The following ERBB4 variants were observed in gnomAD, a reference collection of about 807,000 sequenced individuals.
ERBB4 encodes the protein receptor tyrosine-protein kinase erbB-4.
Under a neutral mutation model 158.0 loss-of-function variants are expected in ERBB4, and 42 were observed. The ratio of observed to expected loss-of-function variants is 0.27; its 90% CI spans 0.21 to 0.34. The LOEUF (loss-of-function observed/expected upper bound fraction) is 0.34. Ranked by LOEUF, ERBB4 falls within the 10% of genes least tolerant of loss-of-function variation. The probability of loss-of-function intolerance (pLI) is 1.00; values close to 1 mark genes in which losing one functional copy is unlikely to be tolerated. For synonymous variants in ERBB4, 583 were observed against 558.7 expected (o/e 1.04, Z -0.61); for missense variants, 1,333 against 1,624.1 (o/e 0.82, Z 3.08).
At chr2:211,628,325 C>G (rs1304501847) in intron 17 of ERBB4, among the ~76,000 whole-genome samples, 4 of 152,164 alleles carry the variant, frequency 2.6e-5, no homozygotes, top group Non-Finnish European at 5.9e-5. Context: ...CCACTTGCCT[C>G]ACCCCACAAC....
intron 1 of ERBB4, among the ~76,000 whole-genome samples, chr2:212,139,231 TA>T (rs1220601994): frequency 2.0e-5 from 3 of 152,084 alleles, no homozygotes; most frequent in African/African-American, 7.2e-5. Context: ...GCAAATTTTG[TA>T]AGTATTAGAG....
At chr2:211,959,509 T>G (rs2081123601) in intron 2 of ERBB4, among the ~76,000 whole-genome samples, 1 of 152,104 alleles carries the variant, frequency 6.6e-6, no homozygotes, top group Non-Finnish European at 1.5e-5. Flanking sequence ...GCATTTTTCT[T>G]TTGACATAAT....
At chr2:211,479,130 C>A (rs1334652823) in intron 20 of ERBB4, among the ~76,000 whole-genome samples, 1 of 152,092 alleles carries the variant, frequency 6.6e-6, no homozygotes, top group African/African-American at 2.4e-5. Context: ...TTGCTGGGCC[C>A]CAGGGTCAGA....
intron 19 of ERBB4, among the ~76,000 whole-genome samples, chr2:211,572,756 T>C (rs775973693): frequency 2.6e-5 from 4 of 152,240 alleles, no homozygotes; most frequent in Non-Finnish European, 5.9e-5. Context: ...CTCTGTTCAA[T>C]TCCTTCAACT....
chr2:211,720,346 G>A (rs555259082), intron 7 of ERBB4, among the ~76,000 whole-genome samples: 4 of 152,120 alleles, frequency 2.6e-5, no homozygotes, highest in Non-Finnish European at 5.9e-5. Context: ...CTTTGTGGAG[G>A]AGCAATGTTA....
chr2:212,298,156 T>C (rs1404968200), intron 1 of ERBB4, among the ~76,000 whole-genome samples: 1 of 151,736 alleles, frequency 6.6e-6, no homozygotes, highest in Non-Finnish European at 1.5e-5. Context: ...AAAAAACAAT[T>C]GGACTGCTCT....
intron 1 of ERBB4, among the ~76,000 whole-genome samples, chr2:212,208,215 T>G (rs2082824599): frequency 6.6e-6 from 1 of 152,172 alleles, no homozygotes; most frequent in Non-Finnish European, 1.5e-5. Flanking sequence ...CTTAGGGTCC[T>G]GTTTGCCCTG....
chr2:211,460,666 C>T (rs2064507783), intron 20 of ERBB4, among the ~76,000 whole-genome samples: 1 of 151,892 alleles, frequency 6.6e-6, no homozygotes, highest in Admixed American at 6.6e-5. Flanking sequence ...TTTCAACTTG[C>T]CATGTTGAAG....
chr2:211,519,876 T>A (rs11900916), intron 20 of ERBB4, among the ~76,000 whole-genome samples: 3,254 of 152,258 alleles, frequency 0.021, 118 homozygotes, highest in African/African-American at 0.074. Flanking sequence ...CCTGACCACT[T>A]CACCACTGAA....
At chr2:211,847,313 C>T (rs1004161993) in intron 3 of ERBB4, among the ~76,000 whole-genome samples, 11 of 152,234 alleles carry the variant, frequency 7.2e-5, no homozygotes, top group African/African-American at 2.6e-4. Context: ...TATATTCAGT[C>T]AACAAGCGGT....
intron 3 of ERBB4, among the ~76,000 whole-genome samples, chr2:211,826,860 CTTAGAGT>C (rs979672384): frequency 6.6e-6 from 1 of 151,944 alleles, no homozygotes; most frequent in East Asian, 1.9e-4. Flanking sequence ...TAAGGCAATC[CTTAGAGT>C]TTAAAGAATG....
chr2:212,388,720 A>G (rs550113429), intron 1 of ERBB4, among the ~76,000 whole-genome samples: 2 of 152,252 alleles, frequency 1.3e-5, no homozygotes, highest in African/African-American at 2.4e-5. Flanking sequence ...GTGGGCATAC[A>G]TGTACATATA....
intron 19 of ERBB4, among the ~76,000 whole-genome samples, chr2:211,580,653 C>T (rs879811791): frequency 4.0e-5 from 6 of 150,692 alleles, no homozygotes; most frequent in African/African-American, 1.5e-4. Context: ...TACTGTGTAT[C>T]TACCCAGAGG....
chr2:211,629,625 C>T (rs1436584822), intron 17 of ERBB4, among the ~76,000 whole-genome samples: 1 of 152,156 alleles, frequency 6.6e-6, no homozygotes, highest in African/African-American at 2.4e-5. Context: ...CTGGAGGCAT[C>T]ACGCTACCTG....
chr2:211,417,289 A>T (rs1351750278), intron 25 of ERBB4, among the ~76,000 whole-genome samples: 2 of 151,580 alleles, frequency 1.3e-5, no homozygotes, highest in Admixed American at 1.3e-4. Flanking sequence ...CCTTGGCAAC[A>T]TAAGGAAACC....
At chr2:212,131,737 T>C (rs2080113236) in intron 1 of ERBB4, among the ~76,000 whole-genome samples, 1 of 152,162 alleles carries the variant, frequency 6.6e-6, no homozygotes, top group Non-Finnish European at 1.5e-5. Context: ...AGTATTACCA[T>C]GCCCAGTGAT....
chr2:211,583,363 G>A (rs1354970840), intron 19 of ERBB4, among the ~76,000 whole-genome samples: 3 of 151,570 alleles, frequency 2.0e-5, no homozygotes, highest in Non-Finnish European at 3.0e-5. Flanking sequence ...ACCACTGGGT[G>A]GTAAAAAAGT....
chr2:212,271,324 A>C (rs1282419884), intron 1 of ERBB4, among the ~76,000 whole-genome samples: 1 of 151,798 alleles, frequency 6.6e-6, no homozygotes, highest in Non-Finnish European at 1.5e-5. Flanking sequence ...CCATGCTTAT[A>C]TAAAAGTGAC....
intron 20 of ERBB4, among the ~76,000 whole-genome samples, chr2:211,461,214 T>C (rs1213047640): frequency 6.6e-6 from 1 of 152,164 alleles, no homozygotes; most frequent in Non-Finnish European, 1.5e-5. Flanking sequence ...TAAATTATTG[T>C]AAGATAAAAC....
Sources: allele counts gnomAD v4.1 joint callset (sites outside exome capture counted in the v4.1 genomes callset), GRCh38; gene constraint gnomAD v4.1.1; transcripts MANE v1.5; gene names NCBI Gene and HGNC (gene_info 2026-07-23, HGNC 2026-07-21).